The following RSPH14 variants were observed in gnomAD, a reference collection of about 807,000 sequenced individuals.
RSPH14 encodes the protein rhabdoid tumor deletion region gene 1.
In RSPH14, 20 loss-of-function variants were observed where a neutral mutation model predicts 26.7. That is an observed-to-expected ratio of 0.75 (90% CI 0.53 to 1.09). RSPH14 has a LOEUF of 1.09. Ranked by LOEUF, RSPH14 falls within the 50% of genes least tolerant of loss-of-function variation. The pLI is 0.00. For missense variants in RSPH14, 449 were observed against 457.2 expected, an observed-to-expected ratio of 0.98 and a Z score of 0.16; for synonymous variants, 177 against 189.3, an observed-to-expected ratio of 0.93 and a Z score of 0.53.
At chr22:23,170,558 G>C in the RSPH14 span, among the ~76,000 whole-genome samples, 4 of 146,086 alleles carry the variant, frequency 2.7e-5, no homozygotes, top group African/African-American at 1.0e-4. Flanking sequence ...AGAGAAGCTT[G>C]GGCAACATGG....
chr22:23,161,902 T>C, the RSPH14 span: 1 of 323,630 alleles, frequency 3.1e-6, no homozygotes, highest in Non-Finnish European at 5.8e-6. Flanking sequence ...TGCAAACTCC[T>C]GCGTCGGTCT....
chr22:23,095,640 AAGAGGG>A, intron 4 of RSPH14: 1 of 1,541,338 alleles, frequency 6.5e-7, no homozygotes, highest in East Asian at 2.3e-5. Context: ...CCCCTGTGGC[AAGAGGG>A]AGAGGTGCCC....
chr22:23,140,659 C>A (rs1234705656), intron 1 of RSPH14, among the ~76,000 whole-genome samples, 187 bp from the exon 2 acceptor site: 1 of 152,178 alleles, frequency 6.6e-6, no homozygotes, highest in Non-Finnish European at 1.5e-5. Context: ...AGTAGCAGCC[C>A]AAACTGCAAA....
chr22:23,145,638 G>A, upstream of RSPH14: 1 of 1,402,508 alleles, frequency 7.1e-7, no homozygotes, highest in Non-Finnish European at 9.6e-7. Context: ...CGAGGGCACA[G>A]CGTCCGCGCC....
At chr22:23,166,556 G>A in the RSPH14 span, among the ~76,000 whole-genome samples, 1 of 152,062 alleles carries the variant, frequency 6.6e-6, no homozygotes, top group Admixed American at 6.5e-5. Flanking sequence ...CTCCAGCTGG[G>A]TCAGGTTGCC....
rs2068365859 is a variant in RSPH14, at chr22:23,071,279, G to A, written c.422-7146C>T. 6.6e-6 allele frequency among the ~76,000 whole-genome samples: 1 copy of A among 152,212 alleles called. No homozygotes were observed. Among genetic ancestry groups the A allele is most frequent in the Admixed American group, 6.5e-5 (1 of 15,284 alleles). ...CCGTATCCTGCGGGCGATCCGAGGG[G>A]GCTCTGCCTTTAGGGCGGTGCTGAG... On this transcript the variant is annotated intron_variant, in intron 4 of 6. Transcript: ENST00000216036. The surrounding 1 kb of genome is among the most constrained non-coding windows in gnomAD (Gnocchi z 4.1).
the RSPH14 span, among the ~76,000 whole-genome samples, chr22:23,169,317 T>C: frequency 6.6e-6 from 1 of 152,148 alleles, no homozygotes; most frequent in Non-Finnish European, 1.5e-5. Context: ...CTCCCTATGG[T>C]TGATAGATGA....
chr22:23,121,173 G>A (rs186063611), intron 4 of RSPH14, among the ~76,000 whole-genome samples: 47 of 152,332 alleles, frequency 3.1e-4, no homozygotes, highest in African/African-American at 1.1e-3. Context: ...CTGCAGAAAG[G>A]CCAGCACCCC....
intron 4 of RSPH14, among the ~76,000 whole-genome samples, chr22:23,130,195 C>T (rs1361794165): frequency 2.7e-5 from 4 of 150,788 alleles, no homozygotes; most frequent in Non-Finnish European, 1.5e-5. Context: ...GTGGCTCACG[C>T]CTGTAATCCC....
At chr22:23,081,693 A>G (rs1347742307) in intron 4 of RSPH14, among the ~76,000 whole-genome samples, 1 of 151,998 alleles carries the variant, frequency 6.6e-6, no homozygotes, top group East Asian at 1.9e-4. Context: ...ATGGTGGTGG[A>G]CACCTGTAAT....
intron 4 of RSPH14, among the ~76,000 whole-genome samples, chr22:23,083,659 G>A (rs2068737749): frequency 6.6e-6 from 1 of 152,176 alleles, no homozygotes; most frequent in South Asian, 2.1e-4. Context: ...GAAGGTGGGA[G>A]GAGGGGATAT....
the RSPH14 span, chr22:23,163,712 C>T: frequency 0.14 from 21,687 of 151,824 alleles, 2,073 homozygotes; most frequent in Non-Finnish European, 0.2. Flanking sequence ...ACTGTTAGCT[C>T]TGCTAACAGT....
chr22:23,061,756 C>T (rs1436944497), intron 6 of RSPH14, 53 bp downstream of exon 6: 36 of 1,604,986 alleles, frequency 2.2e-5, no homozygotes, highest in Non-Finnish European at 3.0e-5. Flanking sequence ...AAGCTCATCA[C>T]GGCTGCTAGC....
intron 4 of RSPH14, among the ~76,000 whole-genome samples, chr22:23,073,826 C>T (rs1256534036): frequency 6.6e-6 from 1 of 152,094 alleles, no homozygotes; most frequent in Non-Finnish European, 1.5e-5. Flanking sequence ...GACGTAGCAT[C>T]CACTCACAGT....
At chr22:23,176,022 G>C in the RSPH14 span, among the ~76,000 whole-genome samples, 1 of 152,212 alleles carries the variant, frequency 6.6e-6, no homozygotes, top group African/African-American at 2.4e-5. Flanking sequence ...ACGCAGGCAG[G>C]GGGAGAGTCT....
At chr22:23,126,535 G>C (rs1360584870) in intron 4 of RSPH14, among the ~76,000 whole-genome samples, 1 of 152,224 alleles carries the variant, frequency 6.6e-6, no homozygotes, top group Non-Finnish European at 1.5e-5. Flanking sequence ...CGAGTGGGAA[G>C]GGGTGTTGGA....
the RSPH14 span, among the ~76,000 whole-genome samples, chr22:23,168,345 G>A: frequency 6.6e-6 from 1 of 152,196 alleles, no homozygotes; most frequent in African/African-American, 2.4e-5. Context: ...ACTGCAGAGA[G>A]ACACAGCAAC....
At chr22:23,089,709 G>T (rs147313988) in intron 4 of RSPH14, among the ~76,000 whole-genome samples, 131 of 152,326 alleles carry the variant, frequency 8.6e-4, no homozygotes, top group African/African-American at 3.0e-3. Context: ...TCTTGAGGGG[G>T]ATGTCCATGT....
chr22:23,083,085 G>A (rs2068725061), intron 4 of RSPH14, among the ~76,000 whole-genome samples: 1 of 152,136 alleles, frequency 6.6e-6, no homozygotes, highest in South Asian at 2.1e-4. Context: ...GAAGTTTCAG[G>A]AAGAGGACTC....
Sources: gnomAD v4.1 joint callset for allele counts (sites outside exome capture counted in the v4.1 genomes callset) on GRCh38, gnomAD v4.1.1 for gene constraint, Gnocchi (gnomAD v3.1) non-coding constraint, MANE v1.5 for transcripts, NCBI Gene and HGNC (gene_info 2026-07-23, HGNC 2026-07-21) for gene names.